JAG1: variants seen among roughly 807,000 people sequenced by gnomAD.
JAG1 encodes the protein jagged canonical Notch ligand 1, also known as protein jagged-1.
In JAG1, 23 loss-of-function variants were observed where a neutral mutation model predicts 148.7. The observed-to-expected ratio is 0.15, with a 90% CI of 0.11 to 0.22. The LOEUF (loss-of-function observed/expected upper bound fraction) is 0.22. Ranked by LOEUF, JAG1 falls within the 10% of genes least tolerant of loss-of-function variation. The probability of loss-of-function intolerance (pLI) is 1.00; values close to 1 mark genes in which losing one functional copy is unlikely to be tolerated. For missense variants in JAG1, 1,054 were observed against 1,611.2 expected (o/e 0.65, Z 5.92); for synonymous variants, 572 against 598.3 (o/e 0.96, Z 0.64).
rs1214519144 is a variant in JAG1 at position 10,644,291 on chromosome 20, C to CACAA, written c.2372+65_2372+66insTTGT. ...TGGGTGATTCTCACACACACACACA[C>CACAA]ACACACACACACACACACACACACG... On this transcript the variant is annotated intron_variant, in intron 19 of 25. Transcript: ENST00000254958. 4.5e-6 allele frequency: 5 copies of CACAA among 1,115,800 alleles called. No individual in the cohort carries two copies. The African/African-American group carries it at 8.0e-5, about 18-fold the overall frequency. 69.1% of individuals were successfully genotyped at this position (1,115,800 alleles called of 1,614,324 possible).
chr20:10,664,160 G>A, intron 2 of JAG1, 146 bp from the exon 3 acceptor site: 1 of 729,246 alleles, frequency 1.4e-6, no homozygotes, highest in Admixed American at 2.0e-5. Flanking sequence ...TGAGTTCCTG[G>A]ATGTTTAAAT....
chr20:10,649,037 T>A (rs1417722612), intron 11 of JAG1, 24 bp downstream of exon 11: 1 of 1,585,698 alleles, frequency 6.3e-7, no homozygotes, highest in Non-Finnish European at 8.7e-7. Flanking sequence ...GTCAAAGTTT[T>A]GATTTAAGCA....
chr20:10,641,154 C>G lies in JAG1; in HGVS notation c.3007G>C (p.Glu1003Gln), dbSNP rs781509375. ...TCATTGTTCGCTGAAGGGGAAGGCTCGCAAGCGATGTAGATTGAATATTCA... is the reference window on the plus strand; with the variant it reads ...TCATTGTTCGCTGAAGGGGAAGGCTGGCAAGCGATGTAGATTGAATATTCA... Reference protein sequence around the residue: ...SAEYSIYIACEPSPSANNEIH... With the variant: ...SAEYSIYIACQPSPSANNEIH... Residue 1003 changes from glutamate (E) to glutamine (Q), a missense_variant, in exon 24 of 26, where the codon GAG becomes CAG. This residue lies in a region of JAG1 where 342 missense variants were observed against 514.6 expected (regional missense o/e 0.66). Coordinates refer to ENST00000254958, the MANE Select transcript of JAG1 (RefSeq NM_000214.3). The G allele has an allele frequency of 2.5e-6, 4 of 1,613,838 alleles. No individual in the cohort carries two copies. The highest frequency in any genetic ancestry group is 2.7e-5 in the African/African-American group (2 of 74,910).
In JAG1 at chr20:10,673,055, T is replaced by C; in HGVS notation, c.82-49A>G. 1 of 1,573,858 alleles carries C rather than the reference T, an allele frequency of 6.4e-7. No homozygotes were observed. Among genetic ancestry groups the C allele is most frequent in the Non-Finnish European group, 8.6e-7 (1 of 1,157,542 alleles). On this transcript the variant is annotated intron_variant, in intron 1 of 25. Transcript: ENST00000254958. The surrounding 1 kb of genome is among the most constrained non-coding windows in gnomAD (Gnocchi z 4.7). ...GTCAGCGCGGGAGAAAGCTGTTTTC[T>C]TCGAGTATAGAGGTGGCGACTCCCT... is the stretch of plus-strand genomic sequence containing the variant.
At position 10,664,115 on chromosome 20, in the gene JAG1, T is replaced by A. The variant is rs1327868619; in HGVS notation, c.388-101A>T. 5.5e-6 allele frequency: 5 copies of A among 912,460 alleles called. No homozygotes were observed. In the African/African-American group the frequency reaches 8.2e-5, roughly 15 times the overall value. 56.5% of individuals were successfully genotyped at this position (912,460 alleles called of 1,614,324 possible). A position where few individuals can be genotyped will look rare whatever the true frequency, so the allele number is the denominator to read the frequency against. On this transcript the variant is annotated intron_variant, in intron 2 of 25. Coordinates refer to ENST00000254958, the MANE Select transcript of JAG1 (RefSeq NM_000214.3). ...CAGAATACCCCACCAAACAAAACCA[T>A]AATGCCAAAATAAAAATTCTGTTGG...
intron 3 of JAG1, among the ~76,000 whole-genome samples, chr20:10,659,099 C>A (rs1374240981): frequency 6.6e-6 from 1 of 152,194 alleles, no homozygotes; most frequent in Non-Finnish European, 1.5e-5. Flanking sequence ...AATCAGAGTC[C>A]GTGCACAACA....
At chr20:10,646,858 T>A in intron 14 of JAG1, 81 bp downstream of exon 14, 16 of 1,315,008 alleles carry the variant, frequency 1.2e-5, no homozygotes, top group Non-Finnish European at 1.8e-5. Context: ...ACACCAATGA[T>A]CCCAGGGTGG....
At chr20:10,644,299 C>CAG (rs2067293114) in intron 19 of JAG1, 58 bp downstream of exon 19, 1 of 1,330,740 alleles carries the variant, frequency 7.5e-7, no homozygotes, top group African/African-American at 1.5e-5. Flanking sequence ...CACACACACA[C>CAG]ACACACACAC....
intron 3 of JAG1, 50 bp from the exon 4 acceptor site, chr20:10,658,772 C>G: frequency 6.2e-7 from 1 of 1,606,888 alleles, no homozygotes. Flanking sequence ...CAGCCTTCTT[C>G]CCTGACCATT....
Position 10,645,514 on chromosome 20 carries a change from C to T in JAG1, c.2000-45G>A, listed in dbSNP as rs2067302931. ...AATCGGCTGAAGACGAGATCCAGGA[C>T]CATTCACGACAGGCGAGAGCCAAGC... On this transcript the variant is annotated intron_variant, in intron 15 of 25. Transcript: ENST00000254958. The surrounding 1 kb of genome is among the most constrained non-coding windows in gnomAD (Gnocchi z 6.1). 1.3e-6 allele frequency: 2 copies of T among 1,489,868 alleles called. No homozygotes were observed. Among genetic ancestry groups the T allele is most frequent in the Non-Finnish European group, 1.9e-6 (2 of 1,068,830 alleles). 92.3% of individuals were successfully genotyped at this position (1,489,868 alleles called of 1,614,324 possible).
In JAG1 at chr20:10,645,260, G is replaced by C; in HGVS notation, c.2114-4C>G. On this transcript the variant is annotated splice_region_variant and splice_polypyrimidine_tract_variant and intron_variant, in intron 16 of 25. Coordinates refer to ENST00000254958, the MANE Select transcript of JAG1 (RefSeq NM_000214.3). The surrounding 1 kb of genome is among the most constrained non-coding windows in gnomAD (Gnocchi z 6.1). ...GCCTCATCACACTGACTGTCACCTG[G>C]AGGAAAATATTTCAGTGTGAGTCCC... 6.2e-7 allele frequency: 1 copy of C among 1,613,094 alleles called. No homozygotes were observed. The highest frequency in any genetic ancestry group is 1.1e-5 in the South Asian group (1 of 91,054).
At chr20:10,641,388 C>A in intron 23 of JAG1, 72 bp downstream of exon 23, 1 of 1,513,632 alleles carries the variant, frequency 6.6e-7, no homozygotes, top group Non-Finnish European at 9.1e-7. Context: ...GATCCTAGCT[C>A]ATGGCATTCC....
rs1173329664 is a variant in JAG1, at chr20:10,652,463, C to T, written c.886+5G>A. On this transcript the variant is annotated splice_donor_5th_base_variant and intron_variant, in intron 6 of 25. Coordinates refer to ENST00000254958, the MANE Select transcript of JAG1 (RefSeq NM_000214.3). The stretch of plus-strand genomic sequence containing the variant: ...CACCCTGGGTCTCATCCCTAAGGGC[C>T]ATACCTTTGTCACAGAGCTGGCCGC... The T allele has an allele frequency of 6.2e-7, 1 of 1,614,104 alleles. No individual in the cohort carries two copies.
chr20:10,656,274 A>G (rs1224926754), intron 5 of JAG1, 124 bp downstream of exon 5: 1 of 749,724 alleles, frequency 1.3e-6, no homozygotes, highest in Non-Finnish European at 2.3e-6. Context: ...GTCTATCTGA[A>G]TTTTTTTTTT....
In JAG1 at chr20:10,645,565, C is replaced by T. The variant is rs2067303352; in HGVS notation, c.2000-96G>A. On this transcript the variant is annotated intron_variant, in intron 15 of 25. Coordinates refer to ENST00000254958, the MANE Select transcript of JAG1 (RefSeq NM_000214.3). The surrounding 1 kb of genome is among the most constrained non-coding windows in gnomAD (Gnocchi z 6.1). ...CTTTCCTACTGCTTACATCCAACAT[C>T]CTATTCTGAGAACAGCCACAGTCGT... 1 of 953,740 alleles carries T rather than the reference C, an allele frequency of 1.0e-6. No homozygotes were observed. The highest frequency in any genetic ancestry group is 1.8e-5 in the Admixed American group (1 of 55,352). 59.1% of individuals were successfully genotyped at this position (953,740 alleles called of 1,614,324 possible).
chr20:10,664,413 A>ACACACACACACAC (rs1568803615), intron 2 of JAG1, among the ~76,000 whole-genome samples: 1 of 108,882 alleles, frequency 9.2e-6, no homozygotes, highest in Non-Finnish European at 2.1e-5. Context: ...CACACACACA[A>ACACACACACACAC]AGAATTTATT....
At chr20:10,671,592 A>G (rs955141896) in intron 2 of JAG1, among the ~76,000 whole-genome samples, 6 of 152,144 alleles carry the variant, frequency 3.9e-5, no homozygotes, top group Non-Finnish European at 7.4e-5. Context: ...CGTGGTGGAA[A>G]GCAATGCTCT....
rs369248939 is a variant in JAG1 at position 10,671,818 on chromosome 20, C to T, written c.387+883G>A. Among the ~76,000 whole-genome samples, 40 of 152,322 alleles carry T rather than the reference C, an allele frequency of 2.6e-4. 1 individual carries two copies. Among genetic ancestry groups the T allele is most frequent in the East Asian group, 2.5e-3 (13 of 5,176 alleles). On this transcript the variant is annotated intron_variant, in intron 2 of 25. Coordinates refer to ENST00000254958, the MANE Select transcript of JAG1 (RefSeq NM_000214.3). ...CTCGCTGCAGGATCTGCCAGCTGGG[C>T]CCGGGCCTCGAGCTCCTTTGGGGGC...
At chr20:10,666,403 C>G (rs1445550739) in intron 2 of JAG1, among the ~76,000 whole-genome samples, 4 of 152,142 alleles carry the variant, frequency 2.6e-5, no homozygotes, top group Non-Finnish European at 5.9e-5. Flanking sequence ...CACAGAGCAG[C>G]AAATCCACTA....
Sources: allele counts gnomAD v4.1 joint callset (sites outside exome capture counted in the v4.1 genomes callset), GRCh38; gene constraint gnomAD v4.1.1; regional missense constraint gnomAD v4.1.1; non-coding constraint Gnocchi (gnomAD v3.1); transcripts MANE v1.5; gene names NCBI Gene and HGNC (gene_info 2026-07-23, HGNC 2026-07-21).